The following NKPD1 variants were observed in gnomAD, a reference collection of about 807,000 sequenced individuals.
NKPD1 encodes NTPase KAP family P-loop domain-containing protein 1.
In NKPD1, 37 loss-of-function variants were observed where a neutral mutation model predicts 42.2. That is an observed-to-expected ratio of 0.88 (90% CI 0.67 to 1.15). The LOEUF (loss-of-function observed/expected upper bound fraction) is 1.15, where lower values mean the gene tolerates loss of function less well. Ranked by LOEUF, NKPD1 falls within the 50% of genes most tolerant of loss-of-function variation. The pLI is 0.00. For synonymous variants in NKPD1, 552 were observed against 536.5 expected (o/e 1.03, Z -0.40); for missense variants, 1,113 against 1,174.6 (o/e 0.95, Z 0.77).
Position 45,150,025 on chromosome 19 carries a change from CAT to C in NKPD1, c.*1911_*1912del, listed in dbSNP as rs1968751710. 6.6e-6 allele frequency: 1 copy of C among 152,190 alleles called. No homozygotes were observed. The highest frequency in any genetic ancestry group is 6.5e-5 in the Admixed American group (1 of 15,276). 9.4% of individuals were successfully genotyped at this position (152,190 alleles called of 1,614,324 possible). On this transcript the variant is annotated 3_prime_UTR_variant, in exon 5 of 5. Transcript: ENST00000686631. ...GTGGCTTTACACAGGTGCAAGTTCT[CAT>C]AGCAGCTCCACGTGAAGATACAGTG...
In NKPD1 at chr19:45,149,828, C is replaced by A. The variant is rs1968749170; in HGVS notation, c.*2110G>T. Reference sequence around the variant, plus strand: ...GCTCTTCACCAAGTTATTCCTGGACCCAGGCCCCTTTGAAGCTCTTAGGGC... The same window carrying A: ...GCTCTTCACCAAGTTATTCCTGGACACAGGCCCCTTTGAAGCTCTTAGGGC... On this transcript the variant is annotated 3_prime_UTR_variant, in exon 5 of 5. Transcript: ENST00000686631. 1 of 152,122 alleles carries A rather than the reference C, an allele frequency of 6.6e-6. No homozygotes were observed. Among genetic ancestry groups the A allele is most frequent in the African/African-American group, 2.4e-5 (1 of 41,390 alleles). The allele number at this position is 152,122 out of a possible 1,614,324, so 9.4% of individuals were successfully genotyped here.
chr19:45,152,531 GC>G lies in NKPD1; in HGVS notation c.1905del (p.Leu636CysfsTer32), dbSNP rs1968807631. The G allele has an allele frequency of 3.2e-6, 5 of 1,577,000 alleles. 1 individual carries two copies. On this transcript the variant is annotated frameshift_variant, in exon 5 of 5. Coordinates refer to ENST00000686631, the MANE Select transcript of NKPD1 (RefSeq NM_198478.4). LOFTEE classifies it low-confidence loss of function (END_TRUNC). ...IVNTVPITVR[L>X]LQQQQQQGDF... ...TCCCCCTGCTGCTGCTGCTGCTGCA[GC>G]AGGCGCACGGTGATGGGCACGGTGT...
upstream of NKPD1, among the ~76,000 whole-genome samples, chr19:45,162,499 G>A (rs1408784207): frequency 6.6e-6 from 1 of 152,168 alleles, no homozygotes; most frequent in Non-Finnish European, 1.5e-5. Flanking sequence ...CTACAGATGC[G>A]AGCGGGGTGG....
intron 4 of NKPD1, among the ~76,000 whole-genome samples, chr19:45,154,556 C>T (rs867454492): frequency 9.2e-5 from 14 of 152,168 alleles, no homozygotes; most frequent in African/African-American, 2.9e-4. Context: ...CTCCCGGGAC[C>T]CTGTGACAAC....
chr19:45,157,496 C>T (rs1013370098), intron 3 of NKPD1, among the ~76,000 whole-genome samples: 5 of 152,092 alleles, frequency 3.3e-5, no homozygotes, highest in African/African-American at 7.2e-5. Flanking sequence ...ACTGCAGCCT[C>T]GAACTCTGGG....
chr19:45,161,771 T>A (rs997703555), upstream of NKPD1, among the ~76,000 whole-genome samples: 19 of 152,196 alleles, frequency 1.2e-4, no homozygotes, highest in South Asian at 1.9e-3. Context: ...TGAAGGCCCC[T>A]CGGCTCTCTG....
rs760729431 is a variant in NKPD1, at chr19:45,153,150, C to T, written c.1287G>A (p.Glu429=). The T allele has an allele frequency of 1.9e-6, 3 of 1,578,874 alleles. No individual in the cohort carries two copies. Among genetic ancestry groups the T allele is most frequent in the Non-Finnish European group, 2.6e-6 (3 of 1,163,276 alleles). The stretch of plus-strand genomic sequence containing the variant: ...TGAGCAGCTCCACCTCCTTCTTCAC[C>T]TCGCACATGAAACCCAGCTGGCTGC... ...KFGSQLGFMC[E]VKKEVELLTD... is the part of the protein sequence containing the mutation. Residue 429 remains glutamate, a synonymous_variant, in exon 5 of 5, where the codon GAG becomes GAA. Coordinates refer to ENST00000686631, the MANE Select transcript of NKPD1 (RefSeq NM_198478.4).
chr19:45,160,694 G>C (rs1258571724), intron 1 of NKPD1, among the ~76,000 whole-genome samples: 1 of 152,036 alleles, frequency 6.6e-6, no homozygotes, highest in Non-Finnish European at 1.5e-5. Context: ...GGTGGAGGGG[G>C]AATTGTGAGG....
At chr19:45,162,459 C>T (rs75013953), upstream of NKPD1, among the ~76,000 whole-genome samples, 13,273 of 152,220 alleles carry the variant, frequency 0.087, 854 homozygotes, top group Non-Finnish European at 0.13. Flanking sequence ...TGTCAGGCAG[C>T]GGGCGGCGAA....
At position 45,153,294 on chromosome 19, in the gene NKPD1, G is replaced by A. The variant is rs760927782; in HGVS notation, c.1143C>T (p.Gly381=). ...SPSGSLLKVF[G]GAATTLSGSG... ...AGCCCGACAGTGTGGTGGCCGCGCC[G>A]CCAAACACCTTGAGCAGGCTGCCGC... The change falls in exon 5 of 5, where the codon GGC becomes GGT. Residue 381 remains glycine, a synonymous_variant. Transcript: ENST00000686631. 1.9e-6 allele frequency: 3 copies of A among 1,589,968 alleles called. No homozygotes were observed. Among genetic ancestry groups the A allele is most frequent in the Non-Finnish European group, 2.6e-6 (3 of 1,169,264 alleles).
chr19:45,162,386 T>A (rs1969024263), upstream of NKPD1, among the ~76,000 whole-genome samples: 2 of 152,164 alleles, frequency 1.3e-5, no homozygotes, highest in African/African-American at 4.8e-5. Flanking sequence ...GGCCCCTTTC[T>A]CATCCCATTT....
intron 3 of NKPD1, among the ~76,000 whole-genome samples, chr19:45,156,818 G>T (rs1968911482): frequency 1.3e-5 from 2 of 152,198 alleles, no homozygotes; most frequent in Admixed American, 6.5e-5. Context: ...CTTTCAGAGA[G>T]GCCTGGTGGG....
At chr19:45,155,282 C>T (rs1055518000) in intron 4 of NKPD1, among the ~76,000 whole-genome samples, 1 of 152,046 alleles carries the variant, frequency 6.6e-6, no homozygotes, top group Non-Finnish European at 1.5e-5. Context: ...CGCACCATTG[C>T]ACTCCAGCCT....
At chr19:45,155,217 C>G (rs1043665075) in intron 4 of NKPD1, among the ~76,000 whole-genome samples, 1 of 151,982 alleles carries the variant, frequency 6.6e-6, no homozygotes, top group African/African-American at 2.4e-5. Flanking sequence ...ACTTGGGAGG[C>G]TGAGGCAGGA....
Position 45,150,598 on chromosome 19 carries a change from A to G in NKPD1, c.*1340T>C, listed in dbSNP as rs568406332. On this transcript the variant is annotated 3_prime_UTR_variant, in exon 5 of 5. Transcript: ENST00000686631. ...CCCTGACTGCTGGGAAACAGCTCCC[A>G]GGAGGTCCAGGCGTATCCTACCAGC... The G allele has an allele frequency of 6.6e-6, 1 of 152,318 alleles. No individual in the cohort carries two copies. Among genetic ancestry groups the G allele is most frequent in the Non-Finnish European group, 1.5e-5 (1 of 68,122 alleles). 9.4% of individuals were successfully genotyped at this position (152,318 alleles called of 1,614,324 possible).
rs1968957804 is a variant in NKPD1, at chr19:45,159,010, T to C, written c.182A>G (p.Tyr61Cys). 7.7e-7 allele frequency: 1 copy of C among 1,300,884 alleles called. No individual in the cohort carries two copies. The highest frequency in any genetic ancestry group is 1.5e-5 in the African/African-American group (1 of 65,648). 80.6% of individuals were successfully genotyped at this position (1,300,884 alleles called of 1,614,324 possible). A position where few individuals can be genotyped will look rare whatever the true frequency, so the allele number is the denominator to read the frequency against. Residue 61 changes from tyrosine (Y) to cysteine (C), a missense_variant, in exon 3 of 5, where the codon TAC becomes TGC. Transcript: ENST00000686631. ...PSPQSHWQLA[Y>C]HSHQVGGSGW... ...ACTGCCACCCACTTGGTGGCTGTGGTAGGCCAGCTGCCAGTGTGATTGGGG... is the reference window on the plus strand; with the variant it reads ...ACTGCCACCCACTTGGTGGCTGTGGCAGGCCAGCTGCCAGTGTGATTGGGG...
intron 3 of NKPD1, among the ~76,000 whole-genome samples, chr19:45,157,453 C>A (rs941998961): frequency 6.6e-6 from 1 of 152,200 alleles, no homozygotes; most frequent in Admixed American, 6.5e-5. Context: ...GCTCTGTCAC[C>A]CAGGCTGGAG....
intron 4 of NKPD1, 120 bp from the exon 5 acceptor site, chr19:45,153,895 C>T: frequency 9.4e-7 from 1 of 1,061,516 alleles, no homozygotes. Flanking sequence ...AGGCGAGGGG[C>T]TGGAAGCGAG....
intron 2 of NKPD1, among the ~76,000 whole-genome samples, chr19:45,159,351 G>C (rs77758722): frequency 1.3e-5 from 2 of 152,162 alleles, no homozygotes; most frequent in Admixed American, 6.5e-5. Context: ...GAGAGAGGAC[G>C]CCTGAGGTTG....
Sources: allele counts gnomAD v4.1 joint callset (sites outside exome capture counted in the v4.1 genomes callset), GRCh38; gene constraint gnomAD v4.1.1; transcripts MANE v1.5; gene names NCBI Gene and HGNC (gene_info 2026-07-23, HGNC 2026-07-21).